Variants in RUNX2 observed in about 807,000 individuals in gnomAD.
RUNX2 encodes the protein RUNX family transcription factor 2.
RUNX2 carries 10 observed loss-of-function variants against 51.7 expected under a neutral mutation model. The observed-to-expected ratio is 0.19, with a 90% CI of 0.12 to 0.33. The LOEUF (loss-of-function observed/expected upper bound fraction) is 0.33. RUNX2 is among the 10% of genes least tolerant of loss of function. The pLI, the probability that RUNX2 is intolerant of heterozygous loss-of-function variation, is 1.00. For synonymous variants in RUNX2, 276 were observed against 273.6 expected, an observed-to-expected ratio of 1.01 and a Z score of -0.09; for missense variants, 562 against 691.3, an observed-to-expected ratio of 0.81 and a Z score of 2.10.
At chr6:45,496,240 C>T (rs1269117281) in intron 6 of RUNX2, among the ~76,000 whole-genome samples, 2 of 151,894 alleles carry the variant, frequency 1.3e-5, no homozygotes, top group African/African-American at 2.4e-5. Flanking sequence ...TGATTCAGGC[C>T]CTTGGGTTTG....
At chr6:45,335,531 A>G (rs1788375475) in intron 2 of RUNX2, among the ~76,000 whole-genome samples, 1 of 151,274 alleles carries the variant, frequency 6.6e-6, no homozygotes, top group African/African-American at 2.4e-5. Context: ...TTTTTAGATA[A>G]AAGTAAATTC....
intron 2 of RUNX2, chr6:45,377,969 G>A (rs1797058741): frequency 6.6e-6 from 1 of 152,276 alleles, no homozygotes; most frequent in African/African-American, 2.4e-5. Flanking sequence ...GATGGCGTGA[G>A]CCCGACTCTC....
intron 2 of RUNX2, among the ~76,000 whole-genome samples, chr6:45,418,390 T>C (rs1798109261): frequency 6.6e-6 from 1 of 152,212 alleles, no homozygotes; most frequent in Non-Finnish European, 1.5e-5. Context: ...GGATTATGTT[T>C]GTATCTTCCA....
chr6:45,485,697 G>GTATATATATATATATATATATA lies in RUNX2; in HGVS notation c.686-6224_686-6223insTATATATATATATATATATATA, dbSNP rs10677574. Among the ~76,000 whole-genome samples the GTATATATATATATATATATATA allele has an allele frequency of 3.5e-3, 366 of 103,910 alleles. 3 individuals are homozygous for GTATATATATATATATATATATA. Among genetic ancestry groups the GTATATATATATATATATATATA allele is most frequent in the East Asian group, 0.015 (42 of 2,860 alleles). The allele number at this position is 103,910 out of a possible 152,430, so 68.2% of individuals were successfully genotyped here. A position where few individuals can be genotyped will look rare whatever the true frequency, so the allele number is the denominator to read the frequency against. ...TATGTGTGTGTGTGTGTGTGTGTGTGTATATATATATATATATATACACAT... is the reference window on the plus strand; with the variant it reads ...TATGTGTGTGTGTGTGTGTGTGTGTGTATATATATATATATATATATATATATATATATATATATATACACAT... On this transcript the variant is annotated intron_variant, in intron 5 of 8. Transcript: ENST00000647337.
chr6:45,504,956 C>T (rs943550577), intron 6 of RUNX2, among the ~76,000 whole-genome samples: 3 of 152,182 alleles, frequency 2.0e-5, no homozygotes, highest in Non-Finnish European at 4.4e-5. Flanking sequence ...TGCCCCAATA[C>T]GGCAGGTACT....
At chr6:45,395,413 ACCT>A (rs1377785817) in intron 2 of RUNX2, among the ~76,000 whole-genome samples, 1 of 152,022 alleles carries the variant, frequency 6.6e-6, no homozygotes, top group African/African-American at 2.4e-5. Context: ...TGGTTCTTAA[ACCT>A]CCTAGGTGTT....
intron 2 of RUNX2, among the ~76,000 whole-genome samples, chr6:45,400,010 G>A (rs1225557336): frequency 5.1e-5 from 7 of 138,452 alleles, no homozygotes; most frequent in African/African-American, 1.9e-4. Flanking sequence ...GGGAAGAAAG[G>A]AAGGAAAGAA....
intron 7 of RUNX2, among the ~76,000 whole-genome samples, chr6:45,512,703 A>G (rs1321513895): frequency 6.6e-6 from 1 of 152,042 alleles, no homozygotes; most frequent in Non-Finnish European, 1.5e-5. Flanking sequence ...TCTCATAACT[A>G]GGGCCTTTTC....
chr6:45,373,665 C>A (rs1796400053), intron 2 of RUNX2, among the ~76,000 whole-genome samples: 1 of 152,154 alleles, frequency 6.6e-6, no homozygotes, highest in Non-Finnish European at 1.5e-5. Context: ...ATTCTCCTGC[C>A]TCAGCCTCCT....
At chr6:45,344,033 T>C (rs1222966596) in intron 2 of RUNX2, among the ~76,000 whole-genome samples, 1 of 152,156 alleles carries the variant, frequency 6.6e-6, no homozygotes, top group Non-Finnish European at 1.5e-5. Context: ...TGACTACTAA[T>C]TGAATAAAAC....
chr6:45,467,542 A>G (rs1799669521), intron 5 of RUNX2, among the ~76,000 whole-genome samples: 1 of 152,156 alleles, frequency 6.6e-6, no homozygotes, highest in African/African-American at 2.4e-5. Context: ...TCGGCCTCCC[A>G]AAGTGTTGGG....
At chr6:45,373,248 T>C (rs897018363) in intron 2 of RUNX2, among the ~76,000 whole-genome samples, 3 of 152,032 alleles carry the variant, frequency 2.0e-5, no homozygotes, top group African/African-American at 4.8e-5. Flanking sequence ...CCGGCCACGA[T>C]TTTCATGTTC....
intron 2 of RUNX2, among the ~76,000 whole-genome samples, chr6:45,345,846 A>G (rs1435901059): frequency 6.6e-6 from 1 of 152,138 alleles, no homozygotes; most frequent in Non-Finnish European, 1.5e-5. Flanking sequence ...ACATTTTGAT[A>G]CTAATCATGT....
intron 7 of RUNX2, among the ~76,000 whole-genome samples, chr6:45,537,668 A>T (rs1379951974): frequency 6.6e-6 from 1 of 152,178 alleles, no homozygotes; most frequent in African/African-American, 2.4e-5. Context: ...TATAGGATTC[A>T]TATGGTTAGG....
chr6:45,432,078 A>G, intron 4 of RUNX2, 59 bp downstream of exon 4: 1 of 1,491,992 alleles, frequency 6.7e-7, no homozygotes, highest in Non-Finnish European at 9.3e-7. Context: ...CCTTTGATGA[A>G]ATGTAGACTA....
chr6:45,335,982 C>A (rs796149179), intron 2 of RUNX2, among the ~76,000 whole-genome samples: 1 of 151,200 alleles, frequency 6.6e-6, no homozygotes, highest in South Asian at 2.1e-4. Context: ...AGACAATGTG[C>A]TACAGTGTAT....
intron 2 of RUNX2, among the ~76,000 whole-genome samples, chr6:45,387,020 C>T (rs577170015): frequency 3.9e-5 from 6 of 151,932 alleles, no homozygotes; most frequent in East Asian, 3.9e-4. Context: ...AGAGGTGATA[C>T]GGGCTAGAGT....
At chr6:45,331,115 G>A (rs1787397176) in intron 2 of RUNX2, among the ~76,000 whole-genome samples, 1 of 149,688 alleles carries the variant, frequency 6.7e-6, no homozygotes, top group South Asian at 2.1e-4. Context: ...GTGTGTGTGT[G>A]TGTGTGTGTG....
Position 45,422,654 on chromosome 6 carries a change from C to G in RUNX2, c.120C>G (p.Ser40Arg). 1 of 1,606,922 alleles carries G rather than the reference C, an allele frequency of 6.2e-7. No homozygotes were observed. Among genetic ancestry groups the G allele is most frequent in the Non-Finnish European group, 8.5e-7 (1 of 1,177,510 alleles). ...GCAGCCTGCAGCCCGGCAAAATGAG[C>G]GACGTGAGCCCGGTGGTGGCTGCGC... ...PSSSLQPGKM[S>R]DVSPVVAAQQ... Residue 40 changes from serine (S) to arginine (R), a missense_variant, in exon 3 of 9, where the codon AGC becomes AGG. Around this residue, in one of 5 missense-constraint regions of RUNX2, gnomAD observed 153 missense variants for 144.8 expected, o/e 1.06. Coordinates refer to ENST00000647337, the MANE Select transcript of RUNX2 (RefSeq NM_001024630.4).
Sources: allele counts gnomAD v4.1 joint callset (sites outside exome capture counted in the v4.1 genomes callset), GRCh38; gene constraint gnomAD v4.1.1; regional missense constraint gnomAD v4.1.1; transcripts MANE v1.5; gene names NCBI Gene and HGNC (gene_info 2026-07-23, HGNC 2026-07-21).